Variants in COL4A1 observed in about 807,000 individuals in gnomAD.
COL4A1 encodes the protein collagen type IV alpha 1 chain, also known as collagen alpha-1(IV) chain.
In COL4A1, 40 loss-of-function variants were observed where a neutral mutation model predicts 216.6. The ratio of observed to expected loss-of-function variants is 0.18; its 90% CI spans 0.14 to 0.24. The LOEUF is 0.24. Among genes scored for constraint, COL4A1 ranks in the 10% least tolerant of loss-of-function variants. The probability of loss-of-function intolerance (pLI) is 1.00; values close to 1 mark genes in which losing one functional copy is unlikely to be tolerated. For missense variants in COL4A1, 1,628 were observed against 2,196.8 expected (o/e 0.74, Z 5.18); for synonymous variants, 839 against 810.7 (o/e 1.03, Z -0.59).
At position 110,208,732 on chromosome 13, in the gene COL4A1, C is replaced by T. The variant is rs1056981693; in HGVS notation, c.693+117G>A. ...AAACACTAACTACCAAATGCAAGAA[C>T]ATGCAGAGAAGAGTAACTATACTTG... On this transcript the variant is annotated intron_variant, in intron 12 of 51. Coordinates refer to ENST00000375820, the MANE Select transcript of COL4A1 (RefSeq NM_001845.6). 9.3e-6 allele frequency: 9 copies of T among 963,118 alleles called. 3 individuals are homozygous for T. In the Admixed American group the frequency reaches 1.6e-4, roughly 17 times the overall value. The allele number at this position is 963,118 out of a possible 1,614,324, so 59.7% of individuals were successfully genotyped here. A position where few individuals can be genotyped will look rare whatever the true frequency, so the allele number is the denominator to read the frequency against.
At chr13:110,225,193 G>T (rs1880682029) in intron 2 of COL4A1, among the ~76,000 whole-genome samples, 2 of 152,314 alleles carry the variant, frequency 1.3e-5, no homozygotes, top group Non-Finnish European at 2.9e-5. Flanking sequence ...GCACCTCCAG[G>T]AGATGCTGGA....
At chr13:110,294,433 C>T (rs553083741) in intron 1 of COL4A1, among the ~76,000 whole-genome samples, 2 of 152,372 alleles carry the variant, frequency 1.3e-5, no homozygotes, top group African/African-American at 2.4e-5. Context: ...CCTCCCATTC[C>T]TCCATCTGGT....
rs2139173881 is a variant in COL4A1 at position 110,187,125 on chromosome 13, G to T, written c.1728+13C>A. 1 of 1,613,892 alleles carries T rather than the reference G, an allele frequency of 6.2e-7. No individual in the cohort carries two copies. The highest frequency in any genetic ancestry group is 8.5e-7 in the Non-Finnish European group (1 of 1,179,856). On this transcript the variant is annotated intron_variant, in intron 25 of 51. Transcript: ENST00000375820. ...CTGTAAAATGCACATTCAAAGTCTG[G>T]AGATAAACATACCGGCGAGCCCTTG...
At chr13:110,200,037 G>A (rs1306948049) in intron 20 of COL4A1, among the ~76,000 whole-genome samples, 2 of 152,186 alleles carry the variant, frequency 1.3e-5, no homozygotes, top group East Asian at 3.9e-4. Flanking sequence ...ACTTAGACCA[G>A]CTGGAAAGGA....
At chr13:110,218,985 T>G (rs1269900070) in intron 2 of COL4A1, among the ~76,000 whole-genome samples, 2 of 152,192 alleles carry the variant, frequency 1.3e-5, no homozygotes, top group Non-Finnish European at 2.9e-5. Flanking sequence ...GCCAACTCCT[T>G]GAGCCCAACC....
At chr13:110,159,678 T>C (rs1594533892) in intron 49 of COL4A1, among the ~76,000 whole-genome samples, 1 of 152,194 alleles carries the variant, frequency 6.6e-6, no homozygotes, top group African/African-American at 2.4e-5. Context: ...TTGTTCACAA[T>C]AGCTGAGGTG....
At chr13:110,262,691 CAA>C (rs761881477) in intron 1 of COL4A1, among the ~76,000 whole-genome samples, 2 of 152,156 alleles carry the variant, frequency 1.3e-5, no homozygotes, top group Non-Finnish European at 2.9e-5. Context: ...GAAAGTGAAA[CAA>C]TACATGTTTC....
intron 1 of COL4A1, among the ~76,000 whole-genome samples, chr13:110,283,492 A>G (rs1883719370): frequency 2.6e-5 from 4 of 152,328 alleles, no homozygotes; most frequent in South Asian, 4.1e-4. Flanking sequence ...GGCGCCCCAT[A>G]GGCACACGCA....
intron 45 of COL4A1, 41 bp from the exon 46 acceptor site, chr13:110,165,031 C>T: frequency 1.3e-6 from 2 of 1,586,464 alleles, no homozygotes; most frequent in Non-Finnish European, 1.7e-6. Context: ...TCACTGTCCA[C>T]ATACTGGGGC....
chr13:110,273,892 C>T (rs1409386824), intron 1 of COL4A1, among the ~76,000 whole-genome samples: 1 of 152,226 alleles, frequency 6.6e-6, no homozygotes, highest in South Asian at 2.1e-4. Flanking sequence ...TGAGTGCTTA[C>T]ACTGCAGTTT....
chr13:110,280,052 TTC>T (rs1883569718), intron 1 of COL4A1, among the ~76,000 whole-genome samples: 1 of 152,268 alleles, frequency 6.6e-6, no homozygotes, highest in South Asian at 2.1e-4. Flanking sequence ...TATGAATATT[TTC>T]TGTTTCTATT....
intron 49 of COL4A1, among the ~76,000 whole-genome samples, chr13:110,159,213 C>CA (rs1876945824): frequency 6.6e-6 from 1 of 152,104 alleles, no homozygotes; most frequent in South Asian, 2.1e-4. Context: ...TCGCTCAGTC[C>CA]AACACATGCA....
rs148360469 is a variant in COL4A1, at chr13:110,251,257, A to G, written c.85-8523T>C. Among the ~76,000 whole-genome samples the G allele has an allele frequency of 1.1e-4, 17 of 152,282 alleles. 1 individual carries two copies. The highest frequency in any genetic ancestry group is 1.6e-4 in the Non-Finnish European group (11 of 68,032). On this transcript the variant is annotated intron_variant, in intron 1 of 51. Coordinates refer to ENST00000375820, the MANE Select transcript of COL4A1 (RefSeq NM_001845.6). ...ACACCCTGGTGCCACCCTGGCCTGC[A>G]CCGGCCATGTGGGCTTCTGCCTTCA...
At chr13:110,299,864 C>T (rs1884425720) in intron 1 of COL4A1, among the ~76,000 whole-genome samples, 1 of 152,160 alleles carries the variant, frequency 6.6e-6, no homozygotes, top group African/African-American at 2.4e-5. Flanking sequence ...CTTTAAAAAA[C>T]TCTAAAATGC....
chr13:110,280,543 T>G (rs1883590060), intron 1 of COL4A1, among the ~76,000 whole-genome samples: 1 of 152,260 alleles, frequency 6.6e-6, no homozygotes, highest in Admixed American at 6.5e-5. Context: ...TTCAAGTTCT[T>G]GCTCACAAAT....
chr13:110,199,182 T>C (rs1054763111), intron 20 of COL4A1, among the ~76,000 whole-genome samples: 12 of 152,180 alleles, frequency 7.9e-5, no homozygotes, highest in Admixed American at 5.2e-4. Flanking sequence ...CTGGGAGAGC[T>C]GAGGCCGGAC....
At chr13:110,241,396 C>A (rs1437598541) in intron 2 of COL4A1, among the ~76,000 whole-genome samples, 1 of 152,190 alleles carries the variant, frequency 6.6e-6, no homozygotes, top group Non-Finnish European at 1.5e-5. Flanking sequence ...GCCTTAATTC[C>A]TCTTTGTTGG....
intron 51 of COL4A1, 63 bp downstream of exon 51, chr13:110,152,271 A>G (rs1594527245): frequency 1.9e-6 from 3 of 1,601,384 alleles, no homozygotes; most frequent in Admixed American, 1.7e-5. Flanking sequence ...CGGATCGCGG[A>G]TGATTAAAAA....
intron 2 of COL4A1, among the ~76,000 whole-genome samples, chr13:110,231,453 G>A (rs76762497): frequency 0.019 from 2,893 of 152,324 alleles, 88 homozygotes; most frequent in African/African-American, 0.066. Context: ...TGGGGCCTGC[G>A]AATGACCGTT....
Sources: allele counts gnomAD v4.1 joint callset (sites outside exome capture counted in the v4.1 genomes callset), GRCh38; gene constraint gnomAD v4.1.1; transcripts MANE v1.5; gene names NCBI Gene and HGNC (gene_info 2026-07-23, HGNC 2026-07-21).